MGST1: variants seen among roughly 807,000 people sequenced by gnomAD.
The protein encoded by MGST1 is microsomal glutathione S-transferase 1.
MGST1 carries 5 observed loss-of-function variants against 8.9 expected under a neutral mutation model. The ratio of observed to expected loss-of-function variants is 0.56; its 90% CI spans 0.29 to 1.19. MGST1 has a LOEUF of 1.19. MGST1 is among the 50% of genes most tolerant of loss of function. The pLI, the probability that MGST1 is intolerant of heterozygous loss-of-function variation, is 0.08. For synonymous variants in MGST1, 54 were observed against 67.8 expected (o/e 0.80, Z 1.00); for missense variants, 182 against 187.4 (o/e 0.97, Z 0.17).
At position 16,357,641 on chromosome 12, in the gene MGST1, A is replaced by G; in HGVS notation, c.163A>G (p.Lys55Glu). 6.2e-7 allele frequency: 1 copy of G among 1,613,938 alleles called. No homozygotes were observed. Among genetic ancestry groups the G allele is most frequent in the Non-Finnish European group, 8.5e-7 (1 of 1,179,940 alleles). The change falls in exon 3 of 4, where the codon AAA becomes GAA. Residue 55 changes from lysine (K) to glutamate (E), a missense_variant. Lys to Glu is a moderately conservative substitution (Grantham distance 56). Coordinates refer to ENST00000396210, the MANE Select transcript of MGST1 (RefSeq NM_020300.5). Reference protein sequence around the residue: ...ANPEDCVAFGKGENAKKYLRT... With the variant: ...ANPEDCVAFGEGENAKKYLRT... ...TCCAGAAGACTGTGTAGCATTTGGCAAAGGAGAAAATGCCAAGAAGTATCT... is the reference window on the plus strand; with the variant it reads ...TCCAGAAGACTGTGTAGCATTTGGCGAAGGAGAAAATGCCAAGAAGTATCT...
intron 4 of MGST1, among the ~76,000 whole-genome samples, chr12:16,572,058 A>C (rs1265065843): frequency 6.6e-6 from 1 of 152,038 alleles, no homozygotes; most frequent in Non-Finnish European, 1.5e-5. Flanking sequence ...TTTTGGAATA[A>C]GAAATTAACA....
chr12:16,401,164 GAAGT>G lies in MGST1; in HGVS notation n.778+17561_778+17564del. The G allele has an allele frequency of 6.4e-7, 1 of 1,559,572 alleles. No homozygotes were observed. Among genetic ancestry groups the G allele is most frequent in the Non-Finnish European group, 8.8e-7 (1 of 1,131,972 alleles). The stretch of plus-strand genomic sequence containing the variant: ...CACATTCTTCACTTTCTTCTTCACA[GAAGT>G]GAGAACAGTAGCTGGGCCATCCTCA... On this transcript the variant is annotated intron_variant and non_coding_transcript_variant, in intron 1 of 1. Coordinates refer to the MGST1 transcript ENST00000359720. This position sits in a 1 kb window ranked among gnomAD's most constrained non-coding sequence, Gnocchi z 4.3.
At position 16,354,247 on chromosome 12, in the gene MGST1, G is replaced by GA. The variant is rs1338907640; in HGVS notation, c.1dup. Reference sequence around the variant, plus strand: ...CTTTTTAAGATTCCAGACCAAAATTGAAAAAATGGTTGACCTCACCCAGGT... The same window carrying GA: ...CTTTTTAAGATTCCAGACCAAAATTGAAAAAAATGGTTGACCTCACCCAGGT... On this transcript the variant is annotated 5_prime_UTR_variant, in exon 2 of 4. Coordinates refer to ENST00000396210, the MANE Select transcript of MGST1 (RefSeq NM_020300.5). 1 of 1,571,460 alleles carries GA rather than the reference G, an allele frequency of 6.4e-7. No homozygotes were observed. The highest frequency in any genetic ancestry group is 1.2e-5 in the South Asian group (1 of 82,394).
chr12:16,495,800 TTCTG>T (rs1475466934), intron 4 of MGST1, among the ~76,000 whole-genome samples: 1 of 152,066 alleles, frequency 6.6e-6, no homozygotes, highest in Non-Finnish European at 1.5e-5. Context: ...ATATACTGTC[TTCTG>T]TCTCTCTTAT....
intron 4 of MGST1, among the ~76,000 whole-genome samples, chr12:16,511,280 G>A (rs1941575553): frequency 6.6e-6 from 1 of 152,206 alleles, no homozygotes; most frequent in Non-Finnish European, 1.5e-5. Context: ...CCTTGAATTT[G>A]AGTCTAGCTA....
intron 4 of MGST1, among the ~76,000 whole-genome samples, chr12:16,480,620 A>T (rs1941357893): frequency 6.6e-6 from 1 of 152,238 alleles, no homozygotes. Context: ...TTTATCAGGT[A>T]ATCTAAACCT....
At chr12:16,459,363 T>C (rs994695391) in intron 4 of MGST1, among the ~76,000 whole-genome samples, 3 of 152,064 alleles carry the variant, frequency 2.0e-5, no homozygotes, top group African/African-American at 7.2e-5. Context: ...TGGTACAATG[T>C]GGTGAATGAG....
chr12:16,560,045 T>C lies in MGST1; in HGVS notation n.483-29483T>C, dbSNP rs1374978046. Among the ~76,000 whole-genome samples, 1 of 152,094 alleles carries C rather than the reference T, an allele frequency of 6.6e-6. No individual in the cohort carries two copies. Among genetic ancestry groups the C allele is most frequent in the East Asian group, 1.9e-4 (1 of 5,200 alleles). ...ATATAAAATACCTGCAACAAATTCCTGTATATTTGCTTCATTGCCAATTTA... is the reference window on the plus strand; with the variant it reads ...ATATAAAATACCTGCAACAAATTCCCGTATATTTGCTTCATTGCCAATTTA... On this transcript the variant is annotated intron_variant and non_coding_transcript_variant, in intron 4 of 4. Transcript: ENST00000538857. This position sits in a 1 kb window ranked among gnomAD's most constrained non-coding sequence, Gnocchi z 5.0.
At chr12:16,507,869 G>A (rs1941549862) in intron 4 of MGST1, among the ~76,000 whole-genome samples, 1 of 152,084 alleles carries the variant, frequency 6.6e-6, no homozygotes, top group Non-Finnish European at 1.5e-5. Context: ...CGAGATTTGG[G>A]TGGGGACACA....
Position 16,401,612 on chromosome 12 carries a change from A to G in MGST1, n.778+18008A>G. ...AGCGAATACCCATGGCACAAGTGAT[A>G]GCCCCAAAATACATGTGATTCTTGT... On this transcript the variant is annotated intron_variant and non_coding_transcript_variant, in intron 1 of 1. Transcript: ENST00000359720. This position sits in a 1 kb window ranked among gnomAD's most constrained non-coding sequence, Gnocchi z 4.3. The G allele has an allele frequency of 7.1e-6, 11 of 1,538,746 alleles. No individual in the cohort carries two copies. The highest frequency in any genetic ancestry group is 9.9e-6 in the Non-Finnish European group (11 of 1,111,356).
At chr12:16,567,505 G>GGACTT (rs1942659266) in intron 4 of MGST1, 1 of 152,400 alleles carries the variant, frequency 6.6e-6, no homozygotes, top group African/African-American at 2.4e-5. Flanking sequence ...AGCTGAAGCA[G>GGACTT]GACTTGAATG....
At chr12:16,571,012 AC>A (rs1422260727) in intron 4 of MGST1, among the ~76,000 whole-genome samples, 1 of 152,138 alleles carries the variant, frequency 6.6e-6, no homozygotes, top group Non-Finnish European at 1.5e-5. Flanking sequence ...GTGCACATGT[AC>A]CCTAAAACTT....
chr12:16,479,235 CTTTTTTTT>C (rs542448251), intron 4 of MGST1, among the ~76,000 whole-genome samples: 1 of 112,064 alleles, frequency 8.9e-6, no homozygotes, highest in African/African-American at 3.5e-5. Context: ...TAGACTGTAT[CTTTTTTTT>C]TTTTTTTTTT....
At chr12:16,569,609 G>A (rs1422390046) in intron 4 of MGST1, among the ~76,000 whole-genome samples, 1 of 152,136 alleles carries the variant, frequency 6.6e-6, no homozygotes, top group East Asian at 1.9e-4. Flanking sequence ...CTTAACATTT[G>A]ATGAGAAAAA....
intron 4 of MGST1, among the ~76,000 whole-genome samples, chr12:16,532,967 CT>C (rs1941731372): frequency 6.6e-6 from 1 of 151,982 alleles, no homozygotes; most frequent in Non-Finnish European, 1.5e-5. Context: ...TAAGAAATAT[CT>C]TTTTGTTGAA....
intron 1 of MGST1, among the ~76,000 whole-genome samples, chr12:16,397,315 T>C (rs1310436237): frequency 1.3e-5 from 2 of 152,024 alleles, no homozygotes; most frequent in East Asian, 3.8e-4. Context: ...GACCTGAAAG[T>C]ATAAAAATTT....
At chr12:16,480,368 C>G (rs571867540) in intron 4 of MGST1, among the ~76,000 whole-genome samples, 1 of 152,018 alleles carries the variant, frequency 6.6e-6, no homozygotes, top group East Asian at 1.9e-4. Context: ...GTCTCGATCT[C>G]TTGACCTTGT....
At position 16,364,373 on chromosome 12, in the gene MGST1, T is replaced by G; in HGVS notation, c.*332T>G. The G allele has an allele frequency of 1.0e-6, 1 of 1,004,354 alleles. No homozygotes were observed. Among genetic ancestry groups the G allele is most frequent in the Non-Finnish European group, 1.2e-6 (1 of 840,108 alleles). 62.2% of individuals were successfully genotyped at this position (1,004,354 alleles called of 1,614,324 possible). A position where few individuals can be genotyped will look rare whatever the true frequency, so the allele number is the denominator to read the frequency against. ...GTATGAGAAACCTATATTTCAATAC[T>G]GCTGAAACAGACATGAAATAAAGAA... On this transcript the variant is annotated 3_prime_UTR_variant, in exon 4 of 4. Transcript: ENST00000396210. The surrounding 1 kb of genome is among the most constrained non-coding windows in gnomAD (Gnocchi z 5.7).
At chr12:16,572,989 A>AT (rs988203101) in intron 4 of MGST1, among the ~76,000 whole-genome samples, 2 of 151,732 alleles carry the variant, frequency 1.3e-5, no homozygotes, top group South Asian at 2.1e-4. Flanking sequence ...GAAAGTAGAG[A>AT]TTTTTTTAAA....
Sources: allele counts gnomAD v4.1 joint callset (sites outside exome capture counted in the v4.1 genomes callset), GRCh38; gene constraint gnomAD v4.1.1; non-coding constraint Gnocchi (gnomAD v3.1); transcripts MANE v1.5; gene names NCBI Gene and HGNC (gene_info 2026-07-23, HGNC 2026-07-21).